Variants in BUB1 observed in about 807,000 individuals in gnomAD.
BUB1 encodes mitotic checkpoint serine/threonine-protein kinase BUB1.
BUB1 carries 84 observed loss-of-function variants against 135.2 expected under a neutral mutation model. The observed-to-expected ratio is 0.62, with a 90% CI of 0.52 to 0.74. BUB1 has a LOEUF of 0.74. BUB1 is among the 30% of genes least tolerant of loss of function. The pLI is 0.00. For missense variants in BUB1, 1,162 were observed against 1,288.3 expected, an observed-to-expected ratio of 0.90 and a Z score of 1.50; for synonymous variants, 403 against 434.4, an observed-to-expected ratio of 0.93 and a Z score of 0.90.
intron 17 of BUB1, among the ~76,000 whole-genome samples, 173 bp downstream of exon 17, chr2:110,653,263 C>A (rs72942122): frequency 0.019 from 2,968 of 152,308 alleles, 98 homozygotes; most frequent in African/African-American, 0.069. Flanking sequence ...TATGTATATT[C>A]ACGGAGAGTA....
chr2:110,653,227 G>T (rs555903297), intron 17 of BUB1, among the ~76,000 whole-genome samples: 1 of 152,292 alleles, frequency 6.6e-6, no homozygotes, highest in African/African-American at 2.4e-5. Context: ...CCGGCCTGAT[G>T]TATCAAGTGC....
At chr2:110,655,627 A>G in intron 16 of BUB1, 112 bp downstream of exon 16, 17 of 1,056,674 alleles carry the variant, frequency 1.6e-5, no homozygotes, top group Non-Finnish European at 2.2e-5. Flanking sequence ...ATGATTTTCA[A>G]AGTTCCCATG....
rs115513843 is a variant in BUB1, at chr2:110,674,711, T to A, written c.27-346A>T. Among the ~76,000 whole-genome samples, 865 of 152,304 alleles carry A rather than the reference T, an allele frequency of 5.7e-3. 8 individuals carry two copies. Among genetic ancestry groups the A allele is most frequent in the African/African-American group, 0.02 (837 of 41,554 alleles). Reference sequence around the variant, plus strand: ...GCAGTTGCCAGAAGTTTGCTCCTCCTCCTAACAAGAGGATCCAAGCATGGC... The same window carrying A: ...GCAGTTGCCAGAAGTTTGCTCCTCCACCTAACAAGAGGATCCAAGCATGGC... On this transcript the variant is annotated intron_variant, in intron 1 of 24. Coordinates refer to ENST00000302759, the MANE Select transcript of BUB1 (RefSeq NM_004336.5).
intron 15 of BUB1, among the ~76,000 whole-genome samples, 172 bp downstream of exon 15, chr2:110,656,864 T>C (rs1257045982): frequency 6.6e-6 from 1 of 152,226 alleles, no homozygotes; most frequent in Non-Finnish European, 1.5e-5. Context: ...CATACCCTGT[T>C]TCTTCTTGAA....
At chr2:110,669,337 G>C (rs1690354103) in intron 6 of BUB1, 116 bp downstream of exon 6, 1 of 736,650 alleles carries the variant, frequency 1.4e-6, no homozygotes. Context: ...ATGGAGCTCA[G>C]AGCCATGAAG....
chr2:110,669,269 G>A (rs1435586195), intron 6 of BUB1, among the ~76,000 whole-genome samples, 184 bp downstream of exon 6: 1 of 152,206 alleles, frequency 6.6e-6, no homozygotes. Context: ...TGTATTTGAG[G>A]TGAGCTGTGT....
chr2:110,677,553 G>T (rs879785570), intron 1 of BUB1, among the ~76,000 whole-genome samples: 1 of 152,122 alleles, frequency 6.6e-6, no homozygotes, highest in Admixed American at 6.5e-5. Flanking sequence ...TGAGATTATG[G>T]ATAGGAGAGC....
intron 17 of BUB1, among the ~76,000 whole-genome samples, chr2:110,651,957 T>C (rs1689798881): frequency 6.6e-6 from 1 of 152,054 alleles, no homozygotes; most frequent in African/African-American, 2.4e-5. Context: ...CTGATGTTCA[T>C]GTAACAATGA....
chr2:110,655,774 A>G lies in BUB1; in HGVS notation c.1841T>C (p.Leu614Pro). 2.5e-6 allele frequency: 4 copies of G among 1,613,916 alleles called. No individual in the cohort carries two copies. Among genetic ancestry groups the G allele is most frequent in the Non-Finnish European group, 2.5e-6 (3 of 1,179,852 alleles). The change falls in exon 16 of 25, where the codon CTT (leucine) becomes CCT (proline). Residue 614 changes from leucine (L) to proline (P), a missense_variant. Leu to Pro is a moderately conservative substitution (Grantham distance 98). Transcript: ENST00000302759. The stretch of plus-strand genomic sequence containing the variant: ...TAAAATGTGCACTGACTCCACTGGA[A>G]GCTTGTGGAATGGTGTAGACGCAAG... The part of the protein sequence containing the change: ...AQLASTPFHK[L>P]PVESVHILED...
At chr2:110,650,445 C>T (rs1356237312) in intron 18 of BUB1, 101 bp downstream of exon 18, 1 of 1,065,040 alleles carries the variant, frequency 9.4e-7, no homozygotes, top group East Asian at 2.4e-5. Flanking sequence ...ATCTGTTCTA[C>T]TCAGTGACAT....
At chr2:110,645,934 T>A (rs1397360638) in intron 19 of BUB1, among the ~76,000 whole-genome samples, 1 of 151,320 alleles carries the variant, frequency 6.6e-6, no homozygotes, top group East Asian at 1.9e-4. Flanking sequence ...AACAAGAGAG[T>A]GTCAAAATAT....
intron 6 of BUB1, 22 bp from the exon 7 acceptor site, chr2:110,667,871 T>C (rs1470980785): frequency 6.2e-7 from 1 of 1,608,094 alleles, no homozygotes; most frequent in East Asian, 2.2e-5. Flanking sequence ...AAAACAAACA[T>C]GAGCATTCAC....
chr2:110,665,596 TG>T (rs1381015228), intron 9 of BUB1, among the ~76,000 whole-genome samples: 2 of 151,758 alleles, frequency 1.3e-5, no homozygotes, highest in Non-Finnish European at 2.9e-5. Flanking sequence ...TGTGTGTGTG[TG>T]TGTGTGTATG....
At chr2:110,655,358 GT>G (rs1191450711) in intron 16 of BUB1, among the ~76,000 whole-genome samples, 1 of 152,052 alleles carries the variant, frequency 6.6e-6, no homozygotes, top group Non-Finnish European at 1.5e-5. Context: ...AAATATAAAT[GT>G]TCATTATTTT....
chr2:110,675,486 T>TG (rs1690551945), intron 1 of BUB1, among the ~76,000 whole-genome samples: 1 of 151,670 alleles, frequency 6.6e-6, no homozygotes, highest in African/African-American at 2.4e-5. Context: ...CAGGAAAAGG[T>TG]GGGGGTGACA....
intron 17 of BUB1, among the ~76,000 whole-genome samples, chr2:110,653,121 A>C (rs1457365033): frequency 1.3e-5 from 2 of 152,096 alleles, no homozygotes; most frequent in Non-Finnish European, 2.9e-5. Context: ...AGTCTTTCTT[A>C]GTTTCCCAAG....
chr2:110,653,551 A>C, intron 16 of BUB1, 28 bp from the exon 17 acceptor site: 1 of 1,579,966 alleles, frequency 6.3e-7, no homozygotes. Flanking sequence ...TAGAGACAAG[A>C]TATGTTAGAT....
At chr2:110,673,176 T>C (rs1690469205) in intron 3 of BUB1, among the ~76,000 whole-genome samples, 1 of 152,242 alleles carries the variant, frequency 6.6e-6, no homozygotes. Flanking sequence ...TGGAGGTTCC[T>C]GGAGGGTGTC....
intron 18 of BUB1, 29 bp from the exon 19 acceptor site, chr2:110,649,406 A>AG (rs760842747): frequency 4.7e-6 from 7 of 1,492,730 alleles, no homozygotes; most frequent in Non-Finnish European, 6.3e-6. Context: ...AAAAAAAAAA[A>AG]GGGAACATGA....
Sources: gnomAD v4.1 joint callset for allele counts (sites outside exome capture counted in the v4.1 genomes callset) on GRCh38, gnomAD v4.1.1 for gene constraint, MANE v1.5 for transcripts, NCBI Gene and HGNC (gene_info 2026-07-23, HGNC 2026-07-21) for gene names.